SH3D19: variants seen among roughly 807,000 people sequenced by gnomAD.
SH3D19 encodes SH3 domain-containing protein 19.
Under a neutral mutation model 112.1 loss-of-function variants are expected in SH3D19, and 58 were observed. The ratio of observed to expected loss-of-function variants is 0.52; its 90% CI spans 0.42 to 0.64. The LOEUF (loss-of-function observed/expected upper bound fraction) is 0.64. Ranked by LOEUF, SH3D19 falls within the 30% of genes least tolerant of loss-of-function variation. The pLI, the probability that SH3D19 is intolerant of heterozygous loss-of-function variation, is 0.00. For synonymous variants in SH3D19, 391 were observed against 448.5 expected, an observed-to-expected ratio of 0.87 and a Z score of 1.62; for missense variants, 1,090 against 1,263.4, an observed-to-expected ratio of 0.86 and a Z score of 2.08.
At chr4:151,134,978 T>G in intron 15 of SH3D19, 96 bp downstream of exon 15, 1 of 997,134 alleles carries the variant, frequency 1.0e-6, no homozygotes, top group Non-Finnish European at 1.5e-6. Context: ...TGAGCCACCA[T>G]GCCTGGCCTT....
At chr4:151,250,926 G>A (rs1771330636) in intron 1 of SH3D19, among the ~76,000 whole-genome samples, 1 of 152,194 alleles carries the variant, frequency 6.6e-6, no homozygotes, top group African/African-American at 2.4e-5. Flanking sequence ...TTGGCCGATG[G>A]ATCCATTCCA....
intron 1 of SH3D19, among the ~76,000 whole-genome samples, chr4:151,255,107 G>T (rs1490424426): frequency 6.6e-6 from 1 of 151,018 alleles, no homozygotes; most frequent in Non-Finnish European, 1.5e-5. Flanking sequence ...GGATGGGGCG[G>T]CTGGCCTGGC....
In SH3D19 at chr4:151,174,661, T is replaced by C. The variant is rs202085905; in HGVS notation, c.1534+9A>G. On this transcript the variant is annotated intron_variant, in intron 7 of 19. Coordinates refer to ENST00000604030, the MANE Select transcript of SH3D19 (RefSeq NM_001378122.1). The stretch of plus-strand genomic sequence containing the variant: ...TTAGATTCCCCTCCACTGCTGATTT[T>C]TCACTCACCTAGAACCATCTCTGAA... 3.9e-4 allele frequency: 581 copies of C among 1,496,104 alleles called. 6 individuals are homozygous for C. The highest frequency in any genetic ancestry group is 8.8e-5 in the Non-Finnish European group (99 of 1,124,098). The allele number at this position is 1,496,104 out of a possible 1,614,324, so 92.7% of individuals were successfully genotyped here.
Position 151,165,685 on chromosome 4 carries a change from G to A in SH3D19, c.1546C>T (p.Leu516Phe). Reference protein sequence around the residue: ...GSEMVLDPFQLPAKTEPIKER... With the variant: ...GSEMVLDPFQFPAKTEPIKER... Reference sequence around the variant, plus strand: ...TTTATTGGTTCTGTTTTTGCAGGGAGCTGAAAGGGATCTAATGAAAAACAT... The same window carrying A: ...TTTATTGGTTCTGTTTTTGCAGGGAACTGAAAGGGATCTAATGAAAAACAT... Residue 516 changes from leucine (L) to phenylalanine (F), a missense_variant, in exon 8 of 20, where the codon CTC becomes TTC. Transcript: ENST00000604030. The A allele has an allele frequency of 2.5e-6, 4 of 1,613,926 alleles. No homozygotes were observed. The highest frequency in any genetic ancestry group is 3.4e-6 in the Non-Finnish European group (4 of 1,179,858).
intron 1 of SH3D19, among the ~76,000 whole-genome samples, chr4:151,304,407 A>G (rs140190105): frequency 2.6e-4 from 39 of 152,238 alleles, no homozygotes; most frequent in African/African-American, 8.7e-4. Context: ...GCTCAGTGGG[A>G]ACCTTAAAAA....
intron 14 of SH3D19, among the ~76,000 whole-genome samples, chr4:151,137,384 AG>A (rs1041546568): frequency 6.6e-6 from 1 of 152,212 alleles, no homozygotes; most frequent in Non-Finnish European, 1.5e-5. Context: ...ACATCTCTAC[AG>A]GATAAGCTAG....
In SH3D19 at chr4:151,120,481, C is replaced by T. The variant is rs1366658677; in HGVS notation, c.*1610G>A. On this transcript the variant is annotated 3_prime_UTR_variant, in exon 20 of 20. Transcript: ENST00000604030. ...CATGTTCCATTCCATATCCTTCCTG[C>T]TGTTGTACAGTTTGCTGCAAATGAT... 1 of 152,372 alleles carries T rather than the reference C, an allele frequency of 6.6e-6. No homozygotes were observed. The highest frequency in any genetic ancestry group is 1.5e-5 in the Non-Finnish European group (1 of 68,026). The allele number at this position is 152,372 out of a possible 1,614,324, so 9.4% of individuals were successfully genotyped here.
At chr4:151,271,944 T>C (rs1261702222) in intron 1 of SH3D19, among the ~76,000 whole-genome samples, 1 of 152,162 alleles carries the variant, frequency 6.6e-6, no homozygotes, top group Non-Finnish European at 1.5e-5. Context: ...CATAGGGTAA[T>C]AATCTGGGGA....
chr4:151,176,391 G>T, intron 6 of SH3D19, 143 bp downstream of exon 6: 1 of 550,588 alleles, frequency 1.8e-6, no homozygotes, highest in Non-Finnish European at 2.7e-6. Context: ...CCCAAATAAA[G>T]CAAGCACACA....
chr4:151,234,735 G>GTTTTT lies in SH3D19; in HGVS notation c.113-8654_113-8650dup, dbSNP rs541665981. Among the ~76,000 whole-genome samples the GTTTTT allele has an allele frequency of 1.7e-3, 42 of 25,072 alleles. 6 individuals carry two copies. The highest frequency in any genetic ancestry group is 3.6e-3 in the African/African-American group (39 of 10,816). 16.4% of individuals were successfully genotyped at this position (25,072 alleles called of 152,430 possible). A position where few individuals can be genotyped will look rare whatever the true frequency, so the allele number is the denominator to read the frequency against. Reference sequence around the variant, plus strand: ...GTTTTTGTTTTCTTTCCAAGTTTGTGTTTTTTTTTTTTTTTTTTTTTTTTT... The same window carrying GTTTTT: ...GTTTTTGTTTTCTTTCCAAGTTTGTGTTTTTTTTTTTTTTTTTTTTTTTTTTTTTT... On this transcript the variant is annotated intron_variant, in intron 1 of 19. Transcript: ENST00000604030.
At chr4:151,291,692 C>A (rs1775350119) in intron 1 of SH3D19, among the ~76,000 whole-genome samples, 1 of 152,136 alleles carries the variant, frequency 6.6e-6, no homozygotes, top group Admixed American at 6.5e-5. Context: ...AATGTGTCTT[C>A]CAAGGCAGGA....
chr4:151,301,379 C>G (rs1728406463), intron 1 of SH3D19, among the ~76,000 whole-genome samples: 1 of 152,240 alleles, frequency 6.6e-6, no homozygotes, highest in South Asian at 2.1e-4. Flanking sequence ...AGACATGTGC[C>G]ACCACACCCA....
At position 151,128,310 on chromosome 4, in the gene SH3D19, G is replaced by A; in HGVS notation, c.2789C>T (p.Thr930Ile). 4 of 1,614,010 alleles carry A rather than the reference G, an allele frequency of 2.5e-6. No individual in the cohort carries two copies. Among genetic ancestry groups the A allele is most frequent in the Non-Finnish European group, 3.4e-6 (4 of 1,179,946 alleles). The change falls in exon 18 of 20, where the codon ACA becomes ATA. Residue 930 changes from threonine to isoleucine, a missense_variant. Transcript: ENST00000604030. Reference protein sequence around the residue: ...AEWCEALHSFTAETSDDLSFK... With the variant: ...AEWCEALHSFIAETSDDLSFK... ...TGATAAGTCATCACTGGTCTCTGCT[G>A]TAAAACTGTGAAGAGCTTCACACCA...
chr4:151,135,569 C>T (rs913288388), intron 14 of SH3D19, among the ~76,000 whole-genome samples: 1 of 151,690 alleles, frequency 6.6e-6, no homozygotes, highest in Admixed American at 6.6e-5. Context: ...CTGGGACTAC[C>T]GGTGTGCACC....
At position 151,213,673 on chromosome 4, in the gene SH3D19, TTA is replaced by T. The variant is rs1561354089; in HGVS notation, c.152+12372_152+12373del. ...GGGAGGAATTAATAATATGAATTAA[TTA>T]ATTAATTAATTAATTTATTTATTTA... On this transcript the variant is annotated intron_variant, in intron 2 of 19. Transcript: ENST00000604030. 1.8e-3 allele frequency among the ~76,000 whole-genome samples: 264 copies of T among 149,096 alleles called. 2 individuals are homozygous for T. The highest frequency in any genetic ancestry group is 0.01 in the Middle Eastern group (3 of 292).
intron 1 of SH3D19, among the ~76,000 whole-genome samples, chr4:151,230,793 C>A (rs576234013): frequency 6.6e-6 from 1 of 152,114 alleles, no homozygotes; most frequent in South Asian, 2.1e-4. Flanking sequence ...ATTGGCCAGG[C>A]TGGTCTCGAA....
intron 3 of SH3D19, chr4:151,181,712 G>A (rs1412355289): frequency 6.6e-6 from 1 of 152,082 alleles, no homozygotes; most frequent in Non-Finnish European, 1.5e-5. Flanking sequence ...CATTTTTGCT[G>A]TGTACTATTC....
chr4:151,195,816 C>T lies in SH3D19; in HGVS notation c.153-8353G>A, dbSNP rs1014300024. The stretch of plus-strand genomic sequence containing the variant: ...CTCTTGACATGCTCAGATTCCATGC[C>T]ATAAAATACTTTAGATCATACGTAA... On this transcript the variant is annotated intron_variant, in intron 2 of 19. Coordinates refer to ENST00000604030, the MANE Select transcript of SH3D19 (RefSeq NM_001378122.1). 2.0e-5 allele frequency among the ~76,000 whole-genome samples: 3 copies of T among 150,562 alleles called. No individual in the cohort carries two copies. In the East Asian group the frequency reaches 5.9e-4, roughly 30 times the overall value.
At chr4:151,257,404 T>C (rs1772012269) in intron 1 of SH3D19, among the ~76,000 whole-genome samples, 1 of 152,130 alleles carries the variant, frequency 6.6e-6, no homozygotes, top group Admixed American at 6.5e-5. Context: ...TCAATTGTAA[T>C]AATTATAATA....
Sources: allele counts gnomAD v4.1 joint callset (sites outside exome capture counted in the v4.1 genomes callset), GRCh38; gene constraint gnomAD v4.1.1; transcripts MANE v1.5; gene names NCBI Gene and HGNC (gene_info 2026-07-23, HGNC 2026-07-21).